The following SATB1 variants were observed in gnomAD, a reference collection of about 807,000 sequenced individuals.
SATB1 encodes the protein SATB homeobox 1.
Under a neutral mutation model 86.9 loss-of-function variants are expected in SATB1, and 11 were observed. The observed-to-expected ratio is 0.13, with a 90% confidence interval of 0.08 to 0.21. SATB1 has a LOEUF of 0.21. Ranked by LOEUF, SATB1 falls within the 10% of genes least tolerant of loss-of-function variation. SATB1 has a pLI of 1.00. For missense variants in SATB1, 551 were observed against 937.6 expected (o/e 0.59, Z 5.39); for synonymous variants, 357 against 357.2 (o/e 1.00, Z 0.01).
At position 18,444,668 on chromosome 3, in the gene SATB1, T is replaced by A; in HGVS notation, c.-25+850A>T. On this transcript the variant is annotated intron_variant, in intron 1 of 3. Transcript: ENST00000415069. This position sits in a 1 kb window ranked among gnomAD's most constrained non-coding sequence, Gnocchi z 5.1. Reference sequence around the variant, plus strand: ...GTGCGGGCCTGAAACCAAGAACGGCTCCCCGGGCGGGCGCGCCGGCGTCGG... The same window carrying A: ...GTGCGGGCCTGAAACCAAGAACGGCACCCCGGGCGGGCGCGCCGGCGTCGG... 1 of 982,420 alleles carries A rather than the reference T, an allele frequency of 1.0e-6. No individual in the cohort carries two copies. The highest frequency in any genetic ancestry group is 1.2e-6 in the Non-Finnish European group (1 of 829,098). The allele number at this position is 982,420 out of a possible 1,614,324, so 60.9% of individuals were successfully genotyped here.
At chr3:18,361,669 T>G (rs1694912344) in intron 9 of SATB1, among the ~76,000 whole-genome samples, 1 of 152,188 alleles carries the variant, frequency 6.6e-6, no homozygotes, top group Admixed American at 6.5e-5. Flanking sequence ...AAAACACAAA[T>G]GCCTTTTTGA....
intron 7 of SATB1, among the ~76,000 whole-genome samples, chr3:18,393,370 C>A (rs1436689381): frequency 6.6e-6 from 1 of 151,748 alleles, no homozygotes; most frequent in African/African-American, 2.4e-5. Flanking sequence ...TTTTAGTGTA[C>A]CTGGGCCAAA....
rs1694110002 is a variant in SATB1, at chr3:18,347,404, T to C, written c.*1766A>G. The C allele has an allele frequency of 6.6e-6, 1 of 152,170 alleles. No homozygotes were observed. The highest frequency in any genetic ancestry group is 6.5e-5 in the Admixed American group (1 of 15,274). The allele number at this position is 152,170 out of a possible 1,614,324, so 9.4% of individuals were successfully genotyped here. A position where few individuals can be genotyped will look rare whatever the true frequency, so the allele number is the denominator to read the frequency against. On this transcript the variant is annotated 3_prime_UTR_variant, in exon 11 of 11. Coordinates refer to ENST00000338745, the MANE Select transcript of SATB1 (RefSeq NM_002971.6). ...GAAGATTGTGTTTAAATACCAGGTG[T>C]GTTATTCCTATTTTCTTCATGTAGC...
chr3:18,439,008 G>A (rs2125208291), upstream of SATB1, among the ~76,000 whole-genome samples: 1 of 152,296 alleles, frequency 6.6e-6, no homozygotes, highest in South Asian at 2.1e-4. Context: ...AGTGAGGAGT[G>A]TAATAAAATA....
At chr3:18,418,475 G>A (rs1400622649) in intron 2 of SATB1, among the ~76,000 whole-genome samples, 1 of 152,092 alleles carries the variant, frequency 6.6e-6, no homozygotes, top group Non-Finnish European at 1.5e-5. Flanking sequence ...CTCATTCGGA[G>A]GTACCAATAG....
intron 9 of SATB1, among the ~76,000 whole-genome samples, chr3:18,370,298 T>C (rs1187891280): frequency 2.6e-5 from 4 of 152,042 alleles, no homozygotes; most frequent in Non-Finnish European, 5.9e-5. Flanking sequence ...GTCTTGTCCA[T>C]TTTAATTCTT....
intron 9 of SATB1, among the ~76,000 whole-genome samples, chr3:18,374,245 A>G (rs555225420): frequency 1.3e-5 from 2 of 152,326 alleles, no homozygotes; most frequent in East Asian, 3.9e-4. Flanking sequence ...AGATTCCAAC[A>G]TCTGCCACCA....
chr3:18,381,754 G>T (rs1696075319), intron 8 of SATB1, among the ~76,000 whole-genome samples: 2 of 151,762 alleles, frequency 1.3e-5, no homozygotes, highest in South Asian at 4.2e-4. Context: ...ATTTTTCAGG[G>T]TATAAAAATT....
chr3:18,417,701 T>C, intron 2 of SATB1: 1 of 697,862 alleles, frequency 1.4e-6, no homozygotes, highest in East Asian at 2.7e-5. Flanking sequence ...TTTCAATATC[T>C]GCATAATGTA....
At chr3:18,398,676 G>A (rs573724454) in intron 5 of SATB1, among the ~76,000 whole-genome samples, 3 of 151,992 alleles carry the variant, frequency 2.0e-5, no homozygotes, top group East Asian at 1.9e-4. Context: ...AGCTGGAGTC[G>A]CATTATTTAT....
At chr3:18,356,597 T>C (rs560130235) in intron 9 of SATB1, among the ~76,000 whole-genome samples, 1 of 151,874 alleles carries the variant, frequency 6.6e-6, no homozygotes, top group African/African-American at 2.4e-5. Flanking sequence ...TCTAATGATG[T>C]GCTTTACTGA....
intron 9 of SATB1, among the ~76,000 whole-genome samples, chr3:18,358,246 T>C (rs1370169878): frequency 6.6e-6 from 1 of 152,064 alleles, no homozygotes; most frequent in East Asian, 1.9e-4. Flanking sequence ...CATCCCATCA[T>C]GTCCTGTAAT....
At chr3:18,363,645 A>G (rs1469352306) in intron 9 of SATB1, among the ~76,000 whole-genome samples, 1 of 152,104 alleles carries the variant, frequency 6.6e-6, no homozygotes, top group Non-Finnish European at 1.5e-5. Flanking sequence ...CTCCCTTTGG[A>G]ATAGGCTGGC....
At chr3:18,425,672 G>T (rs981649831), upstream of SATB1, among the ~76,000 whole-genome samples, 3 of 151,906 alleles carry the variant, frequency 2.0e-5, no homozygotes, top group Admixed American at 6.6e-5. Context: ...ACAGGGCGCT[G>T]TGCGAGGGCT....
intron 9 of SATB1, among the ~76,000 whole-genome samples, chr3:18,368,617 C>T (rs998173944): frequency 1.1e-4 from 17 of 152,098 alleles, no homozygotes; most frequent in African/African-American, 3.4e-4. Flanking sequence ...TGGGAAAGTA[C>T]ACCTTCTCTC....
rs1363980608 is a variant in SATB1 at position 18,352,151 on chromosome 3, T to C, written c.1620A>G (p.Pro540=). 2 of 1,614,110 alleles carry C rather than the reference T, an allele frequency of 1.2e-6. No homozygotes were observed. The highest frequency in any genetic ancestry group is 1.1e-5 in the South Asian group (1 of 91,096). Residue 540 remains proline (P), a synonymous_variant, in exon 10 of 11, where the codon CCA becomes CCG. Transcript: ENST00000338745. The surrounding 1 kb of genome is among the most constrained non-coding windows in gnomAD (Gnocchi z 4.1). ...ELLRWKEDPS[P]ENRTLWENLS... ...GGTTCTCCCACAGGGTTCTGTTTTC[T>C]GGAGAAGGATCTTCTTTCCAGCGTA...
At chr3:18,401,737 T>C (rs1023082734) in intron 5 of SATB1, among the ~76,000 whole-genome samples, 1 of 152,154 alleles carries the variant, frequency 6.6e-6, no homozygotes, top group East Asian at 1.9e-4. Flanking sequence ...ATAACCCCAG[T>C]GTGACACAAT....
intron 5 of SATB1, among the ~76,000 whole-genome samples, chr3:18,402,962 T>C (rs1372528334): frequency 6.6e-6 from 1 of 152,138 alleles, no homozygotes; most frequent in East Asian, 1.9e-4. Flanking sequence ...TGTAATCCTC[T>C]TTCTGTAAAC....
chr3:18,415,988 A>T lies in SATB1; in HGVS notation c.515+19T>A. 6.4e-7 allele frequency: 1 copy of T among 1,561,076 alleles called. No individual in the cohort carries two copies. Among genetic ancestry groups the T allele is most frequent in the Non-Finnish European group, 8.7e-7 (1 of 1,147,456 alleles). ...AGGTAAGAAGAATGTTTCACCCTAG[A>T]TTTGCTGTCTTGACTCACCTGTGTA... On this transcript the variant is annotated intron_variant, in intron 4 of 10. Transcript: ENST00000338745.
Sources: gnomAD v4.1 joint callset for allele counts (sites outside exome capture counted in the v4.1 genomes callset) on GRCh38, gnomAD v4.1.1 for gene constraint, Gnocchi (gnomAD v3.1) non-coding constraint, MANE v1.5 for transcripts, NCBI Gene and HGNC (gene_info 2026-07-23, HGNC 2026-07-21) for gene names.